Variants in DOCK4 observed in about 807,000 individuals in gnomAD.
The protein encoded by DOCK4 is dedicator of cytokinesis 4.
Under a neutral mutation model 268.1 loss-of-function variants are expected in DOCK4, and 97 were observed. That is an observed-to-expected ratio of 0.36 (90% CI 0.31 to 0.43). The LOEUF (loss-of-function observed/expected upper bound fraction) is 0.43. Among genes scored for constraint, DOCK4 ranks in the 20% least tolerant of loss-of-function variants. DOCK4 has a pLI of 1.00. For missense variants in DOCK4, 2,145 were observed against 2,455.7 expected (o/e 0.87, Z 2.67); for synonymous variants, 954 against 887.2 (o/e 1.08, Z -1.34).
At chr7:111,798,043 G>A (rs952426677) in intron 30 of DOCK4, among the ~76,000 whole-genome samples, 1 of 152,210 alleles carries the variant, frequency 6.6e-6, no homozygotes, top group South Asian at 2.1e-4. Flanking sequence ...AAGGACAAAG[G>A]CTCTAGCAGC....
intron 30 of DOCK4, among the ~76,000 whole-genome samples, chr7:111,794,553 T>C (rs957318662): frequency 6.6e-6 from 1 of 152,136 alleles, no homozygotes; most frequent in African/African-American, 2.4e-5. Flanking sequence ...TGGGAAATGA[T>C]AGAGAAGAGA....
At chr7:111,817,083 G>T (rs994599004) in intron 27 of DOCK4, among the ~76,000 whole-genome samples, 16 of 152,112 alleles carry the variant, frequency 1.1e-4, no homozygotes, top group African/African-American at 3.6e-4. Flanking sequence ...GACCTCTTAG[G>T]CTTAAACCCT....
chr7:112,064,532 T>C (rs1047291401), intron 1 of DOCK4, among the ~76,000 whole-genome samples: 1 of 152,174 alleles, frequency 6.6e-6, no homozygotes, highest in Non-Finnish European at 1.5e-5. Flanking sequence ...TTGTTTAGGG[T>C]TATTTCAATC....
At chr7:112,193,161 A>G (rs184553445) in intron 1 of DOCK4, among the ~76,000 whole-genome samples, 3 of 152,344 alleles carry the variant, frequency 2.0e-5, no homozygotes, top group Admixed American at 2.0e-4. Context: ...GAAATGAAGC[A>G]TCTGAAGACT....
At chr7:111,736,580 GA>G (rs1372359838) in intron 50 of DOCK4, among the ~76,000 whole-genome samples, 1 of 152,152 alleles carries the variant, frequency 6.6e-6, no homozygotes, top group African/African-American at 2.4e-5. Flanking sequence ...CGATCCGGGT[GA>G]AGCTATTTTC....
chr7:111,888,881 T>C (rs969464559), intron 16 of DOCK4, among the ~76,000 whole-genome samples: 3 of 151,350 alleles, frequency 2.0e-5, no homozygotes, highest in African/African-American at 7.3e-5. Context: ...CTGGAAAGCG[T>C]TAGGGTATTT....
At chr7:111,845,106 C>A (rs1047226728) in intron 24 of DOCK4, among the ~76,000 whole-genome samples, 2 of 152,100 alleles carry the variant, frequency 1.3e-5, no homozygotes, top group Non-Finnish European at 2.9e-5. Flanking sequence ...ACCTGAGATA[C>A]AAGTAAAAAG....
At chr7:111,895,547 A>C (rs7804361) in intron 16 of DOCK4, 65 bp downstream of exon 16, 35,184 of 1,327,434 alleles carry the variant, frequency 0.027, 609 homozygotes, top group Middle Eastern at 0.033. Flanking sequence ...CAAAATGATA[A>C]GATAGTGAGG....
In DOCK4 at chr7:111,976,161, A is replaced by ATATAT. The variant is rs58020083; in HGVS notation, c.701+970_701+971insATATA. Among the ~76,000 whole-genome samples the ATATAT allele has an allele frequency of 3.2e-4, 11 of 34,012 alleles. 1 individual carries two copies. Among genetic ancestry groups the ATATAT allele is most frequent in the African/African-American group, 4.5e-4 (3 of 6,676 alleles). The allele number at this position is 34,012 out of a possible 152,430, so 22.3% of individuals were successfully genotyped here. A position where few individuals can be genotyped will look rare whatever the true frequency, so the allele number is the denominator to read the frequency against. On this transcript the variant is annotated intron_variant, in intron 8 of 52. Transcript: ENST00000428084. ...ATCTCAAAAAAAAAAAAAAAAAAAA[A>ATATAT]ATATATATATATATATACACACACA...
chr7:112,024,397 A>G (rs553117434), intron 1 of DOCK4, among the ~76,000 whole-genome samples: 1 of 151,942 alleles, frequency 6.6e-6, no homozygotes, highest in Non-Finnish European at 1.5e-5. Context: ...TTCCCACCCT[A>G]CTCAACCCAC....
intron 1 of DOCK4, among the ~76,000 whole-genome samples, chr7:112,049,227 C>T (rs1044162686): frequency 6.6e-6 from 1 of 152,004 alleles, no homozygotes; most frequent in Admixed American, 6.6e-5. Context: ...TATATAAATA[C>T]AGTGTACGAC....
At chr7:111,847,780 A>C (rs1301424313) in intron 23 of DOCK4, among the ~76,000 whole-genome samples, 1 of 152,220 alleles carries the variant, frequency 6.6e-6, no homozygotes, top group Admixed American at 6.5e-5. Context: ...TGAGTCCATT[A>C]AACCACTTTT....
At chr7:111,813,001 A>G (rs773269816) in intron 27 of DOCK4, among the ~76,000 whole-genome samples, 3 of 152,210 alleles carry the variant, frequency 2.0e-5, no homozygotes, top group Non-Finnish European at 4.4e-5. Flanking sequence ...AAAATCTGCT[A>G]ATTTTTATAA....
intron 14 of DOCK4, among the ~76,000 whole-genome samples, chr7:111,901,103 G>A (rs1364988533): frequency 6.6e-6 from 1 of 152,138 alleles, no homozygotes. Flanking sequence ...GGAAGCCAAG[G>A]CAGGAGGATC....
At chr7:112,112,989 T>C (rs191116858) in intron 1 of DOCK4, among the ~76,000 whole-genome samples, 2 of 152,274 alleles carry the variant, frequency 1.3e-5, no homozygotes, top group African/African-American at 4.8e-5. Flanking sequence ...AAACCACAGA[T>C]TTTTTCCCGA....
intron 1 of DOCK4, among the ~76,000 whole-genome samples, chr7:112,137,190 T>G (rs1329129949): frequency 6.6e-6 from 1 of 152,212 alleles, no homozygotes; most frequent in African/African-American, 2.4e-5. Context: ...ATGTGATGCC[T>G]GTATGCTATA....
At chr7:112,175,116 GC>G (rs1818399586) in intron 1 of DOCK4, among the ~76,000 whole-genome samples, 2 of 151,972 alleles carry the variant, frequency 1.3e-5, no homozygotes, top group South Asian at 4.2e-4. Context: ...GCCCGCCTCG[GC>G]CTCCCAAAGT....
chr7:111,832,022 C>T (rs1485230067), intron 26 of DOCK4, among the ~76,000 whole-genome samples: 2 of 152,144 alleles, frequency 1.3e-5, no homozygotes, highest in Non-Finnish European at 2.9e-5. Flanking sequence ...CCAGACAAAG[C>T]TTCAGATATC....
At chr7:112,072,341 G>A (rs914412357) in intron 1 of DOCK4, among the ~76,000 whole-genome samples, 5 of 152,138 alleles carry the variant, frequency 3.3e-5, no homozygotes, top group African/African-American at 1.2e-4. Flanking sequence ...AACTACACAA[G>A]ACATTTTGTT....
Sources: gnomAD v4.1 joint callset for allele counts (sites outside exome capture counted in the v4.1 genomes callset) on GRCh38, gnomAD v4.1.1 for gene constraint, MANE v1.5 for transcripts, NCBI Gene and HGNC (gene_info 2026-07-23, HGNC 2026-07-21) for gene names.